The following ZPBP variants were observed in gnomAD, a reference collection of about 807,000 sequenced individuals.
The protein encoded by ZPBP is zona pellucida binding protein.
ZPBP carries 26 observed loss-of-function variants against 44.8 expected under a neutral mutation model. The ratio of observed to expected loss-of-function variants is 0.58; its 90% CI spans 0.43 to 0.81. The LOEUF (loss-of-function observed/expected upper bound fraction) is 0.81, where lower values mean the gene tolerates loss of function less well. ZPBP is among the 30% of genes least tolerant of loss of function. The pLI is 0.00. For synonymous variants in ZPBP, 174 were observed against 153.2 expected (o/e 1.14, Z -1.00); for missense variants, 409 against 434.0 (o/e 0.94, Z 0.51).
intron 5 of ZPBP, among the ~76,000 whole-genome samples, chr7:50,027,490 A>G (rs1261446744): frequency 1.3e-5 from 2 of 152,246 alleles, no homozygotes; most frequent in Non-Finnish European, 2.9e-5. Context: ...AAGGAAATGT[A>G]TGGGTGTAAA....
At chr7:50,021,684 C>G (rs1799098685) in intron 5 of ZPBP, among the ~76,000 whole-genome samples, 1 of 151,910 alleles carries the variant, frequency 6.6e-6, no homozygotes, top group Admixed American at 6.6e-5. Flanking sequence ...AGGGTAAATA[C>G]AAGGAATCCC....
At chr7:49,981,695 A>AAAATATATTTTATAT (rs1201832039) in intron 7 of ZPBP, among the ~76,000 whole-genome samples, 1 of 42,368 alleles carries the variant, frequency 2.4e-5, no homozygotes. Context: ...TAATATATAT[A>AAAATATATTTTATAT]ATTATATATA....
intron 6 of ZPBP, among the ~76,000 whole-genome samples, chr7:50,001,599 T>C (rs1409649016): frequency 6.6e-6 from 1 of 151,948 alleles, no homozygotes; most frequent in Non-Finnish European, 1.5e-5. Flanking sequence ...ACAGACAAAA[T>C]ACATGAAACA....
chr7:49,907,257 G>A (rs1793153080), intron 1 of ZPBP, among the ~76,000 whole-genome samples: 2 of 152,170 alleles, frequency 1.3e-5, no homozygotes, highest in Non-Finnish European at 2.9e-5. Flanking sequence ...GGCTGGAGGT[G>A]GGAGGTAACA....
intron 3 of ZPBP, among the ~76,000 whole-genome samples, chr7:50,073,129 T>C (rs1410715734): frequency 6.6e-6 from 1 of 152,046 alleles, no homozygotes; most frequent in African/African-American, 2.4e-5. Context: ...CAATTTAAAA[T>C]AGCTATGTTG....
intron 2 of ZPBP, among the ~76,000 whole-genome samples, chr7:49,854,658 T>C (rs1349433752): frequency 1.3e-5 from 2 of 152,240 alleles, no homozygotes; most frequent in Admixed American, 6.5e-5. Context: ...TCCCATTCTG[T>C]AGGTTGCCTG....
At chr7:50,015,602 A>G (rs1206645917) in intron 6 of ZPBP, among the ~76,000 whole-genome samples, 1 of 152,168 alleles carries the variant, frequency 6.6e-6, no homozygotes, top group Non-Finnish European at 1.5e-5. Context: ...AAAAGAAACT[A>G]TCAACACAGT....
intron 5 of ZPBP, 42 bp from the exon 6 acceptor site, chr7:50,018,358 C>A (rs756540862): frequency 2.2e-6 from 3 of 1,362,890 alleles, no homozygotes; most frequent in Admixed American, 3.5e-5. Context: ...ATAATGTATT[C>A]TGTCACAATA....
In ZPBP at chr7:49,983,817, T is replaced by C. The variant is rs564038313; in HGVS notation, c.784-298A>G. ...AGTATATGAGCAAAATCAAGAAAGC[T>C]CTTTGAAATTGATTAAGAAATGTAA... On this transcript the variant is annotated intron_variant, in intron 6 of 7. Coordinates refer to ENST00000046087, the MANE Select transcript of ZPBP (RefSeq NM_007009.3). Among the ~76,000 whole-genome samples, 5 of 152,168 alleles carry C rather than the reference T, an allele frequency of 3.3e-5. No homozygotes were observed. The South Asian group carries it at 1.0e-3, about 32-fold the overall frequency.
chr7:49,971,677 T>C (rs1285983593), intron 7 of ZPBP, among the ~76,000 whole-genome samples: 1 of 152,054 alleles, frequency 6.6e-6, no homozygotes, highest in Non-Finnish European at 1.5e-5. Context: ...CAAACAAACA[T>C]TTAAAGAAGT....
At chr7:49,849,747 C>T (rs1790100298), downstream of ZPBP, among the ~76,000 whole-genome samples, 1 of 152,198 alleles carries the variant, frequency 6.6e-6, no homozygotes, top group South Asian at 2.1e-4. Flanking sequence ...ACCAGCCTGT[C>T]ACTTATTCTG....
intron 7 of ZPBP, among the ~76,000 whole-genome samples, chr7:49,966,203 T>C (rs1046227451): frequency 5.3e-5 from 8 of 152,054 alleles, no homozygotes; most frequent in African/African-American, 1.7e-4. Flanking sequence ...CTTTAAATAA[T>C]TGGCAAAATA....
Position 49,937,613 on chromosome 7 carries a change from C to A in ZPBP, c.971G>T (p.Ser324Ile). The A allele has an allele frequency of 6.2e-7, 1 of 1,613,036 alleles. No homozygotes were observed. The highest frequency in any genetic ancestry group is 1.3e-5 in the African/African-American group (1 of 75,002). ...ATCACGGGGGTTATATGATCCAGGG[C>A]TGCAGATCACTGTGAAAAAAGAGTA... ...PKCPECCVICSPGSYNPRDGI... is the reference protein window; with the variant it reads ...PKCPECCVICIPGSYNPRDGI... Residue 324 changes from serine to isoleucine, a missense_variant, in exon 8 of 8, where the codon AGC (serine) becomes ATC (isoleucine). Ser to Ile is a moderately radical substitution (Grantham distance 142). Around this residue, in one of 2 missense-constraint regions of ZPBP, gnomAD observed 42 missense variants for 71.0 expected, o/e 0.59. Transcript: ENST00000046087.
At chr7:49,888,929 A>C (rs988191192) in intron 2 of ZPBP, among the ~76,000 whole-genome samples, 2 of 152,030 alleles carry the variant, frequency 1.3e-5, no homozygotes, top group African/African-American at 4.8e-5. Context: ...ACAAAAACAA[A>C]AACAAAAAAA....
chr7:49,859,778 G>GA (rs1213547381), intron 2 of ZPBP, among the ~76,000 whole-genome samples: 2 of 120,194 alleles, frequency 1.7e-5, no homozygotes, highest in Non-Finnish European at 3.4e-5. Context: ...GTGTCTTACA[G>GA]TGCGCGTGCG....
intron 6 of ZPBP, among the ~76,000 whole-genome samples, chr7:49,992,721 A>T (rs1797626640): frequency 6.6e-6 from 1 of 152,210 alleles, no homozygotes. Context: ...TGAACAGAAA[A>T]GCAAATGTAG....
Position 49,943,445 on chromosome 7 carries a change from A to G in ZPBP, c.962-5823T>C, listed in dbSNP as rs147532278. The G allele has an allele frequency of 1.3e-3, 588 of 439,438 alleles. 6 individuals are homozygous for G. Among genetic ancestry groups the G allele is most frequent in the African/African-American group, 0.011 (526 of 48,556 alleles). The allele number at this position is 439,438 out of a possible 1,614,324, so 27.2% of individuals were successfully genotyped here. On this transcript the variant is annotated intron_variant, in intron 7 of 7. Coordinates refer to ENST00000046087, the MANE Select transcript of ZPBP (RefSeq NM_007009.3). ...ACATTGCAAACTTTCTTGGAACACT[A>G]TGTTTATATCACAGACCTCTTGCCA...
chr7:49,847,253 T>C (rs1260958049), downstream of ZPBP, among the ~76,000 whole-genome samples: 1 of 149,864 alleles, frequency 6.7e-6, no homozygotes, highest in East Asian at 1.9e-4. Context: ...ATAATATAAT[T>C]AGGTTGTAAA....
chr7:49,993,365 A>G (rs1797649401), intron 6 of ZPBP, among the ~76,000 whole-genome samples: 1 of 152,138 alleles, frequency 6.6e-6, no homozygotes, highest in Non-Finnish European at 1.5e-5. Context: ...GGCTACAAAG[A>G]ACAGATAGGA....
Sources: allele counts gnomAD v4.1 joint callset (sites outside exome capture counted in the v4.1 genomes callset), GRCh38; gene constraint gnomAD v4.1.1; regional missense constraint gnomAD v4.1.1; transcripts MANE v1.5; gene names NCBI Gene and HGNC (gene_info 2026-07-23, HGNC 2026-07-21).